HABP4: variants seen among roughly 807,000 people sequenced by gnomAD.
The protein encoded by HABP4 is intracellular hyaluronan-binding protein 4.
HABP4 carries 32 observed loss-of-function variants against 44.1 expected under a neutral mutation model. That is an observed-to-expected ratio of 0.73 (90% CI 0.55 to 0.97). The LOEUF is 0.97. Among genes scored for constraint, HABP4 ranks in the 50% least tolerant of loss-of-function variants. HABP4 has a pLI of 0.00. For synonymous variants in HABP4, 216 were observed against 218.0 expected, an observed-to-expected ratio of 0.99 and a Z score of 0.08; for missense variants, 503 against 561.9, an observed-to-expected ratio of 0.90 and a Z score of 1.06.
chr9:96,490,184 CTGTTAGAGGGG>C lies in HABP4; in HGVS notation c.*147_*157del, dbSNP rs1833065681. Reference sequence around the variant, plus strand: ...ATTTGTTGCACTTTTTTGGGCTGAGCTGTTAGAGGGGCTTCTCCAGAGGCTCGAGAGCAGGC... The same window carrying C: ...ATTTGTTGCACTTTTTTGGGCTGAGCCTTCTCCAGAGGCTCGAGAGCAGGC... On this transcript the variant is annotated 3_prime_UTR_variant, in exon 8 of 8. Coordinates refer to ENST00000375249, the MANE Select transcript of HABP4 (RefSeq NM_014282.4). 1.5e-6 allele frequency: 1 copy of C among 645,608 alleles called. No homozygotes were observed. Among genetic ancestry groups the C allele is most frequent in the Non-Finnish European group, 2.8e-6 (1 of 355,018 alleles). 40.0% of individuals were successfully genotyped at this position (645,608 alleles called of 1,614,324 possible).
chr9:96,455,670 G>A (rs1195668650), intron 1 of HABP4, among the ~76,000 whole-genome samples: 1 of 151,730 alleles, frequency 6.6e-6, no homozygotes, highest in African/African-American at 2.4e-5. Flanking sequence ...GGAGGCCGAG[G>A]CAGTAGAATC....
chr9:96,482,129 G>A (rs1587687599), intron 5 of HABP4, among the ~76,000 whole-genome samples: 1 of 151,922 alleles, frequency 6.6e-6, no homozygotes, highest in Non-Finnish European at 1.5e-5. Context: ...TAGTAGAGAC[G>A]GGGTTTCACC....
chr9:96,452,175 C>G (rs1050838459), intron 1 of HABP4, among the ~76,000 whole-genome samples: 1 of 147,580 alleles, frequency 6.8e-6, no homozygotes, highest in African/African-American at 2.5e-5. Flanking sequence ...TGCAGTGAGC[C>G]GAGATCGAGC....
chr9:96,453,841 C>T lies in HABP4; in HGVS notation c.349+3213C>T, dbSNP rs12686585. Among the ~76,000 whole-genome samples the T allele has an allele frequency of 4.5e-3, 678 of 152,192 alleles. 7 individuals carry two copies. Among genetic ancestry groups the T allele is most frequent in the East Asian group, 0.02 (102 of 5,182 alleles). Reference sequence around the variant, plus strand: ...GCTGATCCAGCACAGAAAAACAAGCCCAATTCATGGCAGTGTTGATCTCTT... The same window carrying T: ...GCTGATCCAGCACAGAAAAACAAGCTCAATTCATGGCAGTGTTGATCTCTT... On this transcript the variant is annotated intron_variant, in intron 1 of 7. Transcript: ENST00000375249.
intron 1 of HABP4, among the ~76,000 whole-genome samples, chr9:96,454,482 G>A (rs888831194): frequency 2.5e-4 from 33 of 130,438 alleles, no homozygotes; most frequent in Non-Finnish European, 1.2e-4. Flanking sequence ...ACGGAGTCTC[G>A]CTCTGTTGCC....
intron 5 of HABP4, 46 bp from the exon 6 acceptor site, chr9:96,484,416 T>C (rs1357725739): frequency 1.2e-6 from 1 of 844,904 alleles, no homozygotes; most frequent in Non-Finnish European, 1.9e-6. Flanking sequence ...GTAGACATTT[T>C]AGTACCATCA....
chr9:96,465,617 C>A, intron 3 of HABP4, 93 bp from the exon 4 acceptor site: 1 of 1,168,640 alleles, frequency 8.6e-7, no homozygotes, highest in Non-Finnish European at 1.3e-6. Context: ...TTGTGAGAAG[C>A]TGATCCTGGG....
chr9:96,477,409 G>A (rs938341786), intron 5 of HABP4, among the ~76,000 whole-genome samples: 1 of 152,008 alleles, frequency 6.6e-6, no homozygotes, highest in African/African-American at 2.4e-5. Context: ...ACCAAATCAC[G>A]GCCACTCCTG....
chr9:96,465,546 C>G (rs376465448), intron 3 of HABP4, 48 bp downstream of exon 3: 3 of 1,317,070 alleles, frequency 2.3e-6, no homozygotes, highest in African/African-American at 1.4e-5. Context: ...GGTGTCAGCA[C>G]GTGGTATGAA....
At chr9:96,458,639 T>C in intron 2 of HABP4, 98 bp downstream of exon 2, 1 of 873,062 alleles carries the variant, frequency 1.1e-6, no homozygotes, top group Non-Finnish European at 1.7e-6. Flanking sequence ...TTTTTTTTTT[T>C]TTTGAGACAG....
intron 1 of HABP4, among the ~76,000 whole-genome samples, chr9:96,454,802 C>T (rs1023418840): frequency 6.6e-6 from 1 of 152,122 alleles, no homozygotes; most frequent in South Asian, 2.1e-4. Context: ...TTGCACACTC[C>T]TAGGCAACCG....
intron 4 of HABP4, among the ~76,000 whole-genome samples, chr9:96,467,754 G>T (rs775429533): frequency 1.3e-4 from 20 of 152,172 alleles, no homozygotes; most frequent in Non-Finnish European, 2.4e-4. Flanking sequence ...TCGAACTCCT[G>T]ACCTCAGGTG....
At chr9:96,482,508 A>G (rs1005664908) in intron 5 of HABP4, among the ~76,000 whole-genome samples, 1 of 152,104 alleles carries the variant, frequency 6.6e-6, no homozygotes, top group African/African-American at 2.4e-5. Context: ...GATGATTTTC[A>G]AATCTACGAT....
chr9:96,458,383 G>A lies in HABP4; in HGVS notation c.354G>A (p.Gln118=), dbSNP rs531235066. 26 of 1,614,040 alleles carry A rather than the reference G, an allele frequency of 1.6e-5. No homozygotes were observed. The East Asian group carries it at 5.6e-4, about 35-fold the overall frequency. ...SPGGGLQAPG[Q]KRTPRRGEQQ... Reference sequence around the variant, plus strand: ...GCTTTGATTTTCTGTTGGTAGGCCAGAAGCGGACTCCTAGAAGAGGGGAGC... The same window carrying A: ...GCTTTGATTTTCTGTTGGTAGGCCAAAAGCGGACTCCTAGAAGAGGGGAGC... Residue 118 remains glutamine (Q), a synonymous_variant, in exon 2 of 8, where the codon CAG becomes CAA. Transcript: ENST00000375249.
At chr9:96,489,615 C>T (rs1363135709) in intron 7 of HABP4, among the ~76,000 whole-genome samples, 3 of 152,202 alleles carry the variant, frequency 2.0e-5, no homozygotes, top group South Asian at 2.1e-4. Context: ...GCTCCTGATT[C>T]GATGGTCAGT....
At chr9:96,452,918 T>G (rs1216339015) in intron 1 of HABP4, among the ~76,000 whole-genome samples, 6 of 142,262 alleles carry the variant, frequency 4.2e-5, no homozygotes, top group Admixed American at 2.1e-4. Flanking sequence ...AGGGTTTTTT[T>G]TTTTTTTTTT....
intron 1 of HABP4, among the ~76,000 whole-genome samples, chr9:96,452,475 A>G (rs996693770): frequency 6.6e-6 from 1 of 152,094 alleles, no homozygotes; most frequent in Non-Finnish European, 1.5e-5. Context: ...CTGGGTTGCA[A>G]CCTGTTTCCT....
At chr9:96,478,638 T>C (rs1335039586) in intron 5 of HABP4, among the ~76,000 whole-genome samples, 2 of 151,708 alleles carry the variant, frequency 1.3e-5, no homozygotes, top group Non-Finnish European at 2.9e-5. Flanking sequence ...TATCTCATTA[T>C]GGGTTTTTGT....
At chr9:96,482,028 C>T (rs1056082633) in intron 5 of HABP4, among the ~76,000 whole-genome samples, 2 of 151,702 alleles carry the variant, frequency 1.3e-5, no homozygotes, top group East Asian at 1.9e-4. Flanking sequence ...CTCCACCTCC[C>T]GGGTTCAAGC....
Sources: gnomAD v4.1 joint callset for allele counts (sites outside exome capture counted in the v4.1 genomes callset) on GRCh38, gnomAD v4.1.1 for gene constraint, MANE v1.5 for transcripts, NCBI Gene and HGNC (gene_info 2026-07-23, HGNC 2026-07-21) for gene names.